MACROD2: variants seen among roughly 807,000 people sequenced by gnomAD.
MACROD2 encodes ADP-ribose glycohydrolase MACROD2.
MACROD2 carries 36 observed loss-of-function variants against 70.4 expected under a neutral mutation model. The ratio of observed to expected loss-of-function variants is 0.51; its 90% CI spans 0.39 to 0.68. MACROD2 has a LOEUF of 0.68. Ranked by LOEUF, MACROD2 falls within the 30% of genes least tolerant of loss-of-function variation. The pLI, the probability that MACROD2 is intolerant of heterozygous loss-of-function variation, is 0.00. For synonymous variants in MACROD2, 172 were observed against 178.8 expected (o/e 0.96, Z 0.30); for missense variants, 496 against 538.4 (o/e 0.92, Z 0.78).
intron 5 of MACROD2, among the ~76,000 whole-genome samples, chr20:15,099,587 G>T (rs1187611032): frequency 1.3e-5 from 2 of 152,132 alleles, no homozygotes; most frequent in African/African-American, 4.8e-5. Context: ...TTTGGTTATA[G>T]CAGCCTGAGC....
chr20:14,957,570 T>C (rs2074548126), intron 5 of MACROD2, among the ~76,000 whole-genome samples: 1 of 152,098 alleles, frequency 6.6e-6, no homozygotes, highest in African/African-American at 2.4e-5. Flanking sequence ...TAATGGCTGA[T>C]GGCTGTTTCT....
intron 6 of MACROD2, among the ~76,000 whole-genome samples, chr20:15,427,569 T>C (rs918097693): frequency 2.0e-5 from 3 of 151,626 alleles, no homozygotes; most frequent in Non-Finnish European, 2.9e-5. Context: ...GAAGCAGGAG[T>C]AGGCTGAAGG....
intron 8 of MACROD2, among the ~76,000 whole-genome samples, chr20:15,669,941 T>C (rs1008409046): frequency 1.6e-4 from 25 of 152,210 alleles, no homozygotes; most frequent in African/African-American, 6.0e-4. Flanking sequence ...CTGTGTGTTT[T>C]GTGTGCATTA....
chr20:14,879,894 T>C (rs1417444777), intron 5 of MACROD2, among the ~76,000 whole-genome samples: 1 of 152,208 alleles, frequency 6.6e-6, no homozygotes, highest in Non-Finnish European at 1.5e-5. Flanking sequence ...AAGTCATTTT[T>C]AAGTTCCTTC....
intron 5 of MACROD2, among the ~76,000 whole-genome samples, chr20:14,983,342 G>T (rs914691940): frequency 6.6e-6 from 1 of 152,104 alleles, no homozygotes; most frequent in Non-Finnish European, 1.5e-5. Context: ...TAAGACTTTG[G>T]GGGAGTGTAG....
intron 5 of MACROD2, among the ~76,000 whole-genome samples, chr20:15,073,586 A>T (rs2075635769): frequency 6.6e-6 from 1 of 152,066 alleles, no homozygotes. Flanking sequence ...GGATGGTGGA[A>T]AAAACAAAGA....
chr20:15,363,878 A>G (rs1036648252), intron 6 of MACROD2, among the ~76,000 whole-genome samples: 2 of 152,180 alleles, frequency 1.3e-5, no homozygotes, highest in African/African-American at 4.8e-5. Context: ...GGGCTAGCGG[A>G]TGCATATGTT....
chr20:15,855,428 G>A (rs1225146561), intron 8 of MACROD2, among the ~76,000 whole-genome samples: 2 of 152,132 alleles, frequency 1.3e-5, no homozygotes, highest in Non-Finnish European at 2.9e-5. Context: ...ACCTTTAGGA[G>A]GTCAGCTTGT....
intron 4 of MACROD2, among the ~76,000 whole-genome samples, chr20:14,657,577 G>A (rs1297774666): frequency 6.6e-6 from 1 of 152,092 alleles, no homozygotes; most frequent in Non-Finnish European, 1.5e-5. Flanking sequence ...TGCGTGGTTG[G>A]GCAACAATAT....
chr20:15,329,181 C>T (rs1434498170), intron 6 of MACROD2, among the ~76,000 whole-genome samples: 2 of 152,042 alleles, frequency 1.3e-5, no homozygotes, highest in Non-Finnish European at 2.9e-5. Flanking sequence ...TTCTTCCATC[C>T]ACCATTTTCA....
rs188467921 is a variant in MACROD2 at position 15,236,600 on chromosome 20, A to G, written c.540+6539A>G. 2.6e-5 allele frequency among the ~76,000 whole-genome samples: 4 copies of G among 152,340 alleles called. No individual in the cohort carries two copies. In the East Asian group the frequency reaches 5.8e-4, roughly 22 times the overall value. ...GATTTCTTCCATCTTAGAGATGAGGAATATGCACCAGAAGGAAACTGCCTT... is the reference window on the plus strand; with the variant it reads ...GATTTCTTCCATCTTAGAGATGAGGGATATGCACCAGAAGGAAACTGCCTT... On this transcript the variant is annotated intron_variant, in intron 6 of 17. Coordinates refer to ENST00000684519, the MANE Select transcript of MACROD2 (RefSeq NM_001351661.2).
intron 2 of MACROD2, among the ~76,000 whole-genome samples, chr20:14,007,221 A>G (rs1468503519): frequency 6.6e-6 from 1 of 152,170 alleles, no homozygotes; most frequent in African/African-American, 2.4e-5. Context: ...GTCTTTTATT[A>G]TGCAGTACGG....
At chr20:15,279,473 A>G (rs1568688319) in intron 6 of MACROD2, among the ~76,000 whole-genome samples, 1 of 152,188 alleles carries the variant, frequency 6.6e-6, no homozygotes. Context: ...GGTGCAATTC[A>G]TTGTCCACAC....
At chr20:15,553,990 C>T (rs2048131966) in intron 8 of MACROD2, among the ~76,000 whole-genome samples, 1 of 152,084 alleles carries the variant, frequency 6.6e-6, no homozygotes, top group African/African-American at 2.4e-5. Context: ...ACTCTGCAGA[C>T]ACTAGGAAGA....
chr20:14,388,475 A>G (rs2083491363), intron 3 of MACROD2, among the ~76,000 whole-genome samples: 1 of 152,222 alleles, frequency 6.6e-6, no homozygotes, highest in Non-Finnish European at 1.5e-5. Flanking sequence ...CATTACTGAT[A>G]CTGTAAACAG....
intron 8 of MACROD2, among the ~76,000 whole-genome samples, chr20:15,632,306 C>T (rs1014650951): frequency 1.3e-5 from 2 of 152,080 alleles, no homozygotes; most frequent in African/African-American, 4.8e-5. Context: ...TTATTGTAAA[C>T]ATTTACTGAG....
At chr20:15,181,593 T>A (rs1190134001) in intron 5 of MACROD2, among the ~76,000 whole-genome samples, 3 of 152,302 alleles carry the variant, frequency 2.0e-5, no homozygotes, top group African/African-American at 4.8e-5. Flanking sequence ...TTATATAACC[T>A]TTTTTTGCTA....
intron 8 of MACROD2, among the ~76,000 whole-genome samples, chr20:15,694,822 G>A (rs938733939): frequency 2.0e-5 from 3 of 152,154 alleles, no homozygotes; most frequent in African/African-American, 7.2e-5. Context: ...TTTTTCCAAT[G>A]TTACCTTCTA....
At chr20:14,588,475 G>A (rs147035486) in intron 4 of MACROD2, among the ~76,000 whole-genome samples, 2 of 152,162 alleles carry the variant, frequency 1.3e-5, no homozygotes, top group African/African-American at 4.8e-5. Context: ...TTGCTATTTA[G>A]TTCTTTTCTG....
Sources: allele counts gnomAD v4.1 joint callset (sites outside exome capture counted in the v4.1 genomes callset), GRCh38; gene constraint gnomAD v4.1.1; transcripts MANE v1.5; gene names NCBI Gene and HGNC (gene_info 2026-07-23, HGNC 2026-07-21).